THSD7A: variants seen among roughly 807,000 people sequenced by gnomAD.
THSD7A encodes thrombospondin type-1 domain-containing protein 7A.
In THSD7A, 96 loss-of-function variants were observed where a neutral mutation model predicts 231.3. The ratio of observed to expected loss-of-function variants is 0.41; its 90% confidence interval spans 0.35 to 0.49. THSD7A has a LOEUF of 0.49. THSD7A is among the 20% of genes least tolerant of loss of function. The pLI, the probability that THSD7A is intolerant of heterozygous loss-of-function variation, is 0.05. For missense variants in THSD7A, 2,290 were observed against 2,070.2 expected (o/e 1.11, Z -2.06); for synonymous variants, 940 against 743.3 (o/e 1.26, Z -4.30).
At chr7:11,695,218 C>T (rs1397184176) in intron 1 of THSD7A, among the ~76,000 whole-genome samples, 1 of 151,566 alleles carries the variant, frequency 6.6e-6, no homozygotes, top group East Asian at 2.0e-4. Flanking sequence ...TACACTTTAA[C>T]TAAAGGACAG....
At chr7:11,696,009 T>C (rs1263823656) in intron 1 of THSD7A, among the ~76,000 whole-genome samples, 1 of 151,502 alleles carries the variant, frequency 6.6e-6, no homozygotes, top group Non-Finnish European at 1.5e-5. Context: ...TGTGTAAAGA[T>C]TGTGATATAA....
chr7:11,407,301 C>A lies in THSD7A; in HGVS notation c.3916+5G>T. On this transcript the variant is annotated splice_donor_5th_base_variant and intron_variant, in intron 20 of 27. Transcript: ENST00000423059. Reference sequence around the variant, plus strand: ...AGCCTAATATAAGTTATGGTACAAACAAACCTGTGAGGCCACATGTTTGAG... The same window carrying A: ...AGCCTAATATAAGTTATGGTACAAAAAAACCTGTGAGGCCACATGTTTGAG... 6.2e-7 allele frequency: 1 copy of A among 1,609,796 alleles called. No individual in the cohort carries two copies. Among genetic ancestry groups the A allele is most frequent in the Non-Finnish European group, 8.5e-7 (1 of 1,177,528 alleles).
intron 6 of THSD7A, among the ~76,000 whole-genome samples, chr7:11,538,631 G>A (rs1322260461): frequency 6.6e-6 from 1 of 152,164 alleles, no homozygotes; most frequent in African/African-American, 2.4e-5. Flanking sequence ...ACCTGGAATT[G>A]TGTATCCGAT....
rs543830004 is a variant in THSD7A at position 11,662,183 on chromosome 7, G to C, written c.191-25222C>G. On this transcript the variant is annotated intron_variant, in intron 1 of 27. Coordinates refer to ENST00000423059, the MANE Select transcript of THSD7A (RefSeq NM_015204.3). ...CCAGGTGGTCAGATAAAGGTGATCAGACTGGATATAAAACCAAAACCTAAA... is the reference window on the plus strand; with the variant it reads ...CCAGGTGGTCAGATAAAGGTGATCACACTGGATATAAAACCAAAACCTAAA... Among the ~76,000 whole-genome samples, 6 of 151,352 alleles carry C rather than the reference G, an allele frequency of 4.0e-5. No homozygotes were observed. In the East Asian group the frequency reaches 1.2e-3, roughly 29 times the overall value.
chr7:11,485,463 A>G (rs1333691289), intron 6 of THSD7A, among the ~76,000 whole-genome samples: 2 of 152,224 alleles, frequency 1.3e-5, no homozygotes, highest in African/African-American at 4.8e-5. Context: ...ATCTTCTGTC[A>G]GGCACTATGC....
At chr7:11,389,096 A>G (rs1269986769) in intron 23 of THSD7A, among the ~76,000 whole-genome samples, 1 of 152,048 alleles carries the variant, frequency 6.6e-6, no homozygotes, top group Non-Finnish European at 1.5e-5. Context: ...TGGGGTGGAG[A>G]GTTCTGTAGA....
At chr7:11,507,368 T>G (rs764161546) in intron 6 of THSD7A, among the ~76,000 whole-genome samples, 4 of 152,148 alleles carry the variant, frequency 2.6e-5, no homozygotes, top group Admixed American at 6.6e-5. Flanking sequence ...GAAAGTGCTT[T>G]AGTGACTTTA....
chr7:11,560,662 ACTC>A (rs1043041290), intron 4 of THSD7A, among the ~76,000 whole-genome samples: 10 of 151,834 alleles, frequency 6.6e-5, no homozygotes, highest in African/African-American at 2.4e-4. Flanking sequence ...ATTTATTGAA[ACTC>A]CTTAAAAATA....
At chr7:11,565,272 A>T (rs1790258958) in intron 4 of THSD7A, among the ~76,000 whole-genome samples, 1 of 152,198 alleles carries the variant, frequency 6.6e-6, no homozygotes, top group Non-Finnish European at 1.5e-5. Context: ...CTTGTTTCAA[A>T]GTAAGTACTG....
chr7:11,379,838 G>A, intron 24 of THSD7A, 126 bp from the exon 25 acceptor site: 3 of 1,024,744 alleles, frequency 2.9e-6, no homozygotes, highest in Non-Finnish European at 4.4e-6. Context: ...TCTGTCAGTG[G>A]TTGACTGTGA....
rs1782563647 is a variant in THSD7A at position 11,382,625 on chromosome 7, AAAT to A, written c.4412-12_4412-10del. 1 of 1,605,988 alleles carries A rather than the reference AAAT, an allele frequency of 6.2e-7. No homozygotes were observed. Among genetic ancestry groups the A allele is most frequent in the Non-Finnish European group, 8.5e-7 (1 of 1,173,430 alleles). ...TTCATAGCACTGTCCATCTGCAGGG[AAAT>A]AATAAACATTAGCAGAAGCATTCTG... is the stretch of plus-strand genomic sequence containing the variant. On this transcript the variant is annotated splice_polypyrimidine_tract_variant and intron_variant, in intron 23 of 27. Transcript: ENST00000423059.
At position 11,632,877 on chromosome 7, in the gene THSD7A, T is replaced by G. The variant is rs1781705328; in HGVS notation, c.1022+3253A>C. Among the ~76,000 whole-genome samples the G allele has an allele frequency of 1.3e-5, 2 of 152,192 alleles. No individual in the cohort carries two copies. Among genetic ancestry groups the G allele is most frequent in the Non-Finnish European group, 2.9e-5 (2 of 68,022 alleles). ...GTCTTATCCTTGTATTTTGTTGTGT[T>G]TTCTGTTTTAATTTTTCTGGTTCTA... On this transcript the variant is annotated intron_variant, in intron 2 of 27. Transcript: ENST00000423059. This position sits in a 1 kb window ranked among gnomAD's most constrained non-coding sequence, Gnocchi z 4.1.
At chr7:11,680,714 A>G (rs1156509535) in intron 1 of THSD7A, among the ~76,000 whole-genome samples, 1 of 152,166 alleles carries the variant, frequency 6.6e-6, no homozygotes, top group East Asian at 1.9e-4. Flanking sequence ...GATGCTGGAG[A>G]GGATGTGGAG....
chr7:11,688,421 G>A (rs778172383), intron 1 of THSD7A, among the ~76,000 whole-genome samples: 3 of 151,720 alleles, frequency 2.0e-5, no homozygotes, highest in Non-Finnish European at 2.9e-5. Flanking sequence ...AAACTCAATC[G>A]CTTATAGCCT....
intron 1 of THSD7A, among the ~76,000 whole-genome samples, chr7:11,757,942 T>A (rs1782736867): frequency 6.7e-6 from 1 of 150,066 alleles, no homozygotes; most frequent in Non-Finnish European, 1.5e-5. Flanking sequence ...TAATAATGAT[T>A]ATAAAATTTT....
At chr7:11,392,258 G>A (rs1454132135) in intron 23 of THSD7A, among the ~76,000 whole-genome samples, 1 of 151,570 alleles carries the variant, frequency 6.6e-6, no homozygotes, top group Admixed American at 6.6e-5. Context: ...GCTGAAGCAG[G>A]GTGGGGTGTT....
intron 22 of THSD7A, among the ~76,000 whole-genome samples, chr7:11,405,238 T>C (rs1198109959): frequency 6.6e-6 from 1 of 151,802 alleles, no homozygotes. Context: ...TTTTAGGGAC[T>C]CAATCCCATT....
At chr7:11,559,635 G>C (rs947275487) in intron 4 of THSD7A, among the ~76,000 whole-genome samples, 1 of 151,900 alleles carries the variant, frequency 6.6e-6, no homozygotes, top group Non-Finnish European at 1.5e-5. Flanking sequence ...GGCAAGAAAG[G>C]AGAAGTGAAG....
At chr7:11,554,865 G>A (rs1789780297) in intron 4 of THSD7A, among the ~76,000 whole-genome samples, 1 of 151,742 alleles carries the variant, frequency 6.6e-6, no homozygotes, top group Non-Finnish European at 1.5e-5. Context: ...TTCCCATGTA[G>A]TCTAAGTTGT....
Sources: allele counts gnomAD v4.1 joint callset (sites outside exome capture counted in the v4.1 genomes callset), GRCh38; gene constraint gnomAD v4.1.1; non-coding constraint Gnocchi (gnomAD v3.1); transcripts MANE v1.5; gene names NCBI Gene and HGNC (gene_info 2026-07-23, HGNC 2026-07-21).